The following FREM2 variants were observed in gnomAD, a reference collection of about 807,000 sequenced individuals.
FREM2 encodes the protein FRAS1 related extracellular matrix 2.
In FREM2, 119 loss-of-function variants were observed where a neutral mutation model predicts 219.9. The observed-to-expected ratio is 0.54, with a 90% confidence interval of 0.47 to 0.63. The LOEUF is 0.63. Ranked by LOEUF, FREM2 falls within the 30% of genes least tolerant of loss-of-function variation. FREM2 has a pLI of 0.00. For synonymous variants in FREM2, 1,562 were observed against 1,522.8 expected, an observed-to-expected ratio of 1.03 and a Z score of -0.60; for missense variants, 4,030 against 3,993.6, an observed-to-expected ratio of 1.01 and a Z score of -0.25.
Position 38,689,556 on chromosome 13 carries a change from C to G in FREM2, c.2212C>G (p.Leu738Val), listed in dbSNP as rs1775953906. The G allele has an allele frequency of 1.9e-6, 3 of 1,613,292 alleles. No homozygotes were observed. Among genetic ancestry groups the G allele is most frequent in the Non-Finnish European group, 2.5e-6 (3 of 1,179,464 alleles). ...YTDLDTDDRE[L>V]RYTVTQPPTD... is the part of the protein sequence containing the mutation. The stretch of plus-strand genomic sequence containing the variant: ...TGACCTGGACACAGATGACCGAGAA[C>G]TACGTTACACAGTGACTCAGCCCCC... The change falls in exon 1 of 24, where the codon CTA (leucine) becomes GTA (valine). Residue 738 changes from leucine (L) to valine (V), a missense_variant. By Grantham distance (32) the Leu-to-Val change is conservative. Around this residue, in one of 2 missense-constraint regions of FREM2, gnomAD observed 3,102 missense variants for 2,950.7 expected, o/e 1.05. Transcript: ENST00000280481.
rs140377761 is a variant in FREM2 at position 38,691,072 on chromosome 13, T to C, written c.3728T>C (p.Ile1243Thr). 1 of 1,614,182 alleles carries C rather than the reference T, an allele frequency of 6.2e-7. No individual in the cohort carries two copies. The highest frequency in any genetic ancestry group is 8.5e-7 in the Non-Finnish European group (1 of 1,180,036). The part of the protein sequence containing the change: ...PTHGHIMNQL[I>T]NGTVLVESFT... ...CATGGTCACATCATGAATCAGCTGA[T>C]AAATGGCACGGTTTTGGTCGAAAGC... Residue 1243 changes from isoleucine to threonine, a missense_variant, in exon 1 of 24, where the codon ATA (isoleucine) becomes ACA (threonine). This residue lies in a region of FREM2 where 3,102 missense variants were observed against 2,950.7 expected (regional missense o/e 1.05). Coordinates refer to ENST00000280481, the MANE Select transcript of FREM2 (RefSeq NM_207361.6).
chr13:38,699,458 TG>T (rs1870254000), intron 2 of FREM2, among the ~76,000 whole-genome samples: 1 of 152,134 alleles, frequency 6.6e-6, no homozygotes, highest in Non-Finnish European at 1.5e-5. Flanking sequence ...AAGTGAAGAA[TG>T]ACTAGCTGAA....
In FREM2 at chr13:38,692,148, A is replaced by G; in HGVS notation, c.4804A>G (p.Ile1602Val). 1 of 1,614,240 alleles carries G rather than the reference A, an allele frequency of 6.2e-7. No homozygotes were observed. Among genetic ancestry groups the G allele is most frequent in the Non-Finnish European group, 8.5e-7 (1 of 1,180,042 alleles). Residue 1602 changes from isoleucine (I) to valine (V), a missense_variant, in exon 1 of 24, where the codon ATC (isoleucine) becomes GTC (valine). Ile to Val is a conservative substitution (Grantham distance 29). Coordinates refer to ENST00000280481, the MANE Select transcript of FREM2 (RefSeq NM_207361.6). ...FTKQDLNENLISYKHDGTESS... is the reference protein window; with the variant it reads ...FTKQDLNENLVSYKHDGTESS... ...CAAGCAAGACTTGAATGAAAACTTA[A>G]TCAGCTACAAACATGATGGCACTGA...
At chr13:38,831,077 G>C (rs891436680) in intron 6 of FREM2, among the ~76,000 whole-genome samples, 2 of 152,178 alleles carry the variant, frequency 1.3e-5, no homozygotes, top group Non-Finnish European at 2.9e-5. Context: ...CAATAGTTTA[G>C]GAAACTGTAA....
chr13:38,811,236 A>T (rs561514797), intron 6 of FREM2, among the ~76,000 whole-genome samples: 2 of 151,878 alleles, frequency 1.3e-5, no homozygotes, highest in African/African-American at 4.8e-5. Flanking sequence ...AGTTTTGTCA[A>T]TGTTGTTTAT....
chr13:38,716,942 T>C (rs1871027984), intron 2 of FREM2, among the ~76,000 whole-genome samples: 1 of 152,166 alleles, frequency 6.6e-6, no homozygotes, highest in African/African-American at 2.4e-5. Context: ...TGCATCCAGG[T>C]ATGGAAAGCT....
intron 11 of FREM2, among the ~76,000 whole-genome samples, chr13:38,855,039 T>G (rs570700426): frequency 1.3e-5 from 2 of 152,322 alleles, no homozygotes; most frequent in African/African-American, 4.8e-5. Flanking sequence ...TATCCATGGT[T>G]TACAGTATGA....
rs200700443 is a variant in FREM2, at chr13:38,784,586, G to C, written c.5797G>C (p.Val1933Leu). 6.2e-7 allele frequency: 1 copy of C among 1,614,138 alleles called. No homozygotes were observed. Among genetic ancestry groups the C allele is most frequent in the South Asian group, 1.1e-5 (1 of 91,082 alleles). Residue 1933 changes from valine (V) to leucine (L), a missense_variant, in exon 6 of 24, where the codon GTG becomes CTG. Physicochemically the swap from Val to Leu is conservative, Grantham distance 32 (BLOSUM62 1). Coordinates refer to ENST00000280481, the MANE Select transcript of FREM2 (RefSeq NM_207361.6). The part of the protein sequence containing the change: ...GTATGTVPTS[V>L]LSYSDYISRP... ...AGCAACTGGAACTGTGCCGACTTCC[G>C]TGTTGTCTTACTCTGATTACATATC...
chr13:38,719,607 C>G (rs1871144848), intron 2 of FREM2, among the ~76,000 whole-genome samples: 1 of 152,182 alleles, frequency 6.6e-6, no homozygotes, highest in Non-Finnish European at 1.5e-5. Flanking sequence ...CTGTTGGGCT[C>G]ACCCAGACAA....
chr13:38,860,899 CTACTG>C (rs1337850871), intron 14 of FREM2, among the ~76,000 whole-genome samples: 22 of 152,110 alleles, frequency 1.4e-4, no homozygotes, highest in African/African-American at 4.6e-4. Flanking sequence ...AGAGAAAACT[CTACTG>C]TACATATTTT....
In FREM2 at chr13:38,872,729, T is replaced by A; in HGVS notation, c.7984-13T>A. ...ACTGAGTCATGTTGATTGATGTAAT[T>A]TTGTTGTTTTAGGTCCTAAACCTAG... On this transcript the variant is annotated splice_polypyrimidine_tract_variant and intron_variant, in intron 16 of 23. Coordinates refer to ENST00000280481, the MANE Select transcript of FREM2 (RefSeq NM_207361.6). 1 of 1,612,192 alleles carries A rather than the reference T, an allele frequency of 6.2e-7. No individual in the cohort carries two copies. Among genetic ancestry groups the A allele is most frequent in the East Asian group, 2.2e-5 (1 of 44,864 alleles).
intron 2 of FREM2, among the ~76,000 whole-genome samples, chr13:38,721,759 T>A (rs1424668781): frequency 6.6e-6 from 1 of 152,308 alleles, no homozygotes; most frequent in African/African-American, 2.4e-5. Context: ...TAAGTAATAT[T>A]TACCCTTGCA....
chr13:38,828,814 T>C (rs1046800618), intron 6 of FREM2, among the ~76,000 whole-genome samples: 1 of 152,150 alleles, frequency 6.6e-6, no homozygotes, highest in African/African-American at 2.4e-5. Context: ...TTAATGGTTA[T>C]ATAGTATTCC....
chr13:38,839,791 T>C (rs1042589312), intron 6 of FREM2, among the ~76,000 whole-genome samples: 1 of 152,060 alleles, frequency 6.6e-6, no homozygotes, highest in Non-Finnish European at 1.5e-5. Context: ...TCAATAATGG[T>C]GGACACCCCT....
chr13:38,690,121 C>G lies in FREM2; in HGVS notation c.2777C>G (p.Pro926Arg), dbSNP rs763256963. Residue 926 changes from proline to arginine, a missense_variant, in exon 1 of 24, where the codon CCC becomes CGC. Physicochemically the swap from Pro to Arg is moderately radical, Grantham distance 103 (BLOSUM62 -2). Coordinates refer to ENST00000280481, the MANE Select transcript of FREM2 (RefSeq NM_207361.6). ...GTCAGTGACAGACATCATGTGGTGC[C>G]CATCACTCTCAGAGTAAATGTCCGG... ...LEVSDRHHVV[P>R]ITLRVNVRPV... The G allele has an allele frequency of 7.4e-6, 12 of 1,614,064 alleles. No individual in the cohort carries two copies. The highest frequency in any genetic ancestry group is 5.9e-6 in the Non-Finnish European group (7 of 1,180,026).
chr13:38,690,575 A>G lies in FREM2; in HGVS notation c.3231A>G (p.Val1077=), dbSNP rs1182170800. ...TCTTTGTAGGTGAACAGTTGATAGT[A>G]ATGGAAGGTGATAAAAGTGTTATAA... The part of the protein sequence containing the change: ...PEIFVGEQLI[V]MEGDKSVITS... The change falls in exon 1 of 24, where the codon GTA becomes GTG. Residue 1077 remains valine (V), a synonymous_variant. Coordinates refer to ENST00000280481, the MANE Select transcript of FREM2 (RefSeq NM_207361.6). 6.2e-7 allele frequency: 1 copy of G among 1,614,054 alleles called. No homozygotes were observed. The highest frequency in any genetic ancestry group is 1.7e-5 in the Admixed American group (1 of 60,008).
intron 2 of FREM2, among the ~76,000 whole-genome samples, chr13:38,722,535 T>C (rs1353387211): frequency 1.3e-5 from 2 of 152,024 alleles, no homozygotes; most frequent in East Asian, 3.9e-4. Context: ...TGAACAGTGG[T>C]TATCAAATTT....
chr13:38,880,899 G>T lies in FREM2; in HGVS notation c.*112G>T. ...AATGGAGGATGGCTGTGATGAAGCTGCTTAGAGAATATGACTGTACTAATG... is the reference window on the plus strand; with the variant it reads ...AATGGAGGATGGCTGTGATGAAGCTTCTTAGAGAATATGACTGTACTAATG... On this transcript the variant is annotated 3_prime_UTR_variant, in exon 24 of 24. Coordinates refer to ENST00000280481, the MANE Select transcript of FREM2 (RefSeq NM_207361.6). The T allele has an allele frequency of 8.1e-7, 1 of 1,238,114 alleles. No homozygotes were observed. The highest frequency in any genetic ancestry group is 1.9e-5 in the Admixed American group (1 of 52,616). The allele number at this position is 1,238,114 out of a possible 1,614,324, so 76.7% of individuals were successfully genotyped here. A position where few individuals can be genotyped will look rare whatever the true frequency, so the allele number is the denominator to read the frequency against.
intron 6 of FREM2, among the ~76,000 whole-genome samples, chr13:38,798,816 G>A (rs1439743507): frequency 6.6e-6 from 1 of 151,972 alleles, no homozygotes. Flanking sequence ...CAGTGGTAAA[G>A]TTTCCTTCTT....
Sources: gnomAD v4.1 joint callset for allele counts (sites outside exome capture counted in the v4.1 genomes callset) on GRCh38, gnomAD v4.1.1 for gene constraint, gnomAD v4.1.1 regional missense constraint, MANE v1.5 for transcripts, NCBI Gene and HGNC (gene_info 2026-07-23, HGNC 2026-07-21) for gene names.